TPRG1: variants seen among roughly 807,000 people sequenced by gnomAD.
The protein encoded by TPRG1 is tumor protein p63 regulated 1, also known as tumor protein p63-regulated gene 1 protein.
A neutral mutation model predicts 29.3 loss-of-function variants in TPRG1; 29 were observed. The ratio of observed to expected loss-of-function variants is 0.99; its 90% CI spans 0.74 to 1.35. TPRG1 has a LOEUF of 1.35. TPRG1 is among the 40% of genes most tolerant of loss of function. TPRG1 has a pLI of 0.00. For synonymous variants in TPRG1, 130 were observed against 116.8 expected, an observed-to-expected ratio of 1.11 and a Z score of -0.73; for missense variants, 327 against 335.0, an observed-to-expected ratio of 0.98 and a Z score of 0.19.
At chr3:189,079,963 G>T (rs1717478016) in intron 4 of TPRG1, among the ~76,000 whole-genome samples, 1 of 152,028 alleles carries the variant, frequency 6.6e-6, no homozygotes, top group Admixed American at 6.6e-5. Context: ...ACTTTTTTGT[G>T]CCCTCCCTCC....
At chr3:189,181,774 A>G (rs1730255614) in intron 1 of TPRG1, among the ~76,000 whole-genome samples, 1 of 152,184 alleles carries the variant, frequency 6.6e-6, no homozygotes, top group Admixed American at 6.5e-5. Context: ...ATTTTTGGGT[A>G]TCTTTTCAGC....
At chr3:189,163,027 T>A (rs1727684291) in intron 5 of TPRG1, among the ~76,000 whole-genome samples, 1 of 152,210 alleles carries the variant, frequency 6.6e-6, no homozygotes, top group Non-Finnish European at 1.5e-5. Flanking sequence ...ATCCCAGTAC[T>A]TTAGGAGGCC....
intron 3 of TPRG1, among the ~76,000 whole-genome samples, chr3:189,009,263 G>C (rs762308134): frequency 1.5e-4 from 23 of 152,214 alleles, no homozygotes; most frequent in Non-Finnish European, 2.5e-4. Context: ...ATGTTCATTA[G>C]GGTTGTGGAA....
intron 4 of TPRG1, among the ~76,000 whole-genome samples, chr3:189,075,762 A>G (rs1028355388): frequency 8.5e-5 from 13 of 152,178 alleles, no homozygotes; most frequent in African/African-American, 3.1e-4. Context: ...CTGTATCTTC[A>G]GGGATAAAAT....
In TPRG1 at chr3:189,053,834, A is replaced by G. The variant is rs1715486550; in HGVS notation, c.-463+29888A>G. The stretch of plus-strand genomic sequence containing the variant: ...TTGTGTTTTGGTAACAAGGAGAGTT[A>G]GGTCATCGCCCTGGATTAGGCTTCG... On this transcript the variant is annotated intron_variant, in intron 4 of 10. Transcript: ENST00000433971. Among the ~76,000 whole-genome samples the G allele has an allele frequency of 2.6e-5, 4 of 152,216 alleles. 1 individual carries two copies. The South Asian group carries it at 8.3e-4, about 31-fold the overall frequency.
intron 2 of TPRG1, among the ~76,000 whole-genome samples, chr3:189,212,857 A>G (rs1250955457): frequency 2.0e-5 from 3 of 152,198 alleles, no homozygotes; most frequent in African/African-American, 7.2e-5. Flanking sequence ...TTGTGTGACA[A>G]CTGGCCCCAG....
rs1560619930 is a variant in TPRG1 at position 189,262,252 on chromosome 3, GTA to G, written c.479+23346_479+23347del. Among the ~76,000 whole-genome samples, 808 of 149,166 alleles carry G rather than the reference GTA, an allele frequency of 5.4e-3. 12 individuals are homozygous for G. The highest frequency in any genetic ancestry group is 0.019 in the African/African-American group (780 of 41,276). On this transcript the variant is annotated intron_variant, in intron 4 of 5. Transcript: ENST00000345063. ...AGTATAAGTATAAGTATAAGTATAAGTATAAGACTTGGTAGAAGTATATGAAG... is the reference window on the plus strand; with the variant it reads ...AGTATAAGTATAAGTATAAGTATAAGTAAGACTTGGTAGAAGTATATGAAG...
chr3:189,045,073 C>G (rs1346286125), intron 4 of TPRG1, among the ~76,000 whole-genome samples: 2 of 152,162 alleles, frequency 1.3e-5, no homozygotes, highest in Admixed American at 6.5e-5. Flanking sequence ...ATAAGCTGAG[C>G]TGTACCTCTA....
At chr3:189,175,478 G>A (rs575909222) in intron 1 of TPRG1, among the ~76,000 whole-genome samples, 96 of 152,332 alleles carry the variant, frequency 6.3e-4, no homozygotes, top group African/African-American at 1.9e-3. Flanking sequence ...TTCAGATCAG[G>A]CACAACATGG....
rs141848152 is a variant in TPRG1 at position 189,195,993 on chromosome 3, G to C, written c.-9-11383G>C. On this transcript the variant is annotated intron_variant, in intron 1 of 5. Transcript: ENST00000345063. ...GTCTTTGTAAAGAGTAGAGTGCTAG[G>C]GGGCTTCTAGCCGGCCATCTTGCTG... 3.9e-5 allele frequency among the ~76,000 whole-genome samples: 6 copies of C among 152,224 alleles called. No homozygotes were observed. In the South Asian group the frequency reaches 1.0e-3, roughly 26 times the overall value.
intron 1 of TPRG1, among the ~76,000 whole-genome samples, chr3:189,110,844 T>A (rs1720422984): frequency 6.6e-6 from 1 of 151,878 alleles, no homozygotes; most frequent in Non-Finnish European, 1.5e-5. Context: ...GAATTGCTTT[T>A]GTACCTTTAT....
At chr3:189,106,069 C>T (rs1017802849) in intron 1 of TPRG1, among the ~76,000 whole-genome samples, 4 of 152,018 alleles carry the variant, frequency 2.6e-5, no homozygotes, top group African/African-American at 9.7e-5. Flanking sequence ...ACAACAACAA[C>T]AAAAACACTG....
At chr3:189,147,522 A>C (rs1725421950) in intron 3 of TPRG1, 1 of 152,210 alleles carries the variant, frequency 6.6e-6, no homozygotes, top group Non-Finnish European at 1.5e-5. Flanking sequence ...CTTGCCTTTG[A>C]ATGTTTTGTA....
chr3:189,137,784 G>A (rs1044764630), intron 3 of TPRG1, among the ~76,000 whole-genome samples: 2 of 152,162 alleles, frequency 1.3e-5, no homozygotes, highest in Non-Finnish European at 2.9e-5. Context: ...GTCTCTGTAT[G>A]TAGCCAGTAT....
intron 4 of TPRG1, among the ~76,000 whole-genome samples, chr3:189,087,704 C>A (rs1441293908): frequency 6.6e-6 from 1 of 152,184 alleles, no homozygotes; most frequent in Non-Finnish European, 1.5e-5. Flanking sequence ...GGAAGGGATC[C>A]AGTTTCAGCT....
At chr3:189,179,381 G>A (rs1262638971) in intron 1 of TPRG1, among the ~76,000 whole-genome samples, 1 of 152,130 alleles carries the variant, frequency 6.6e-6, no homozygotes, top group Non-Finnish European at 1.5e-5. Flanking sequence ...TCACCAAAAG[G>A]TAACTTCCTA....
At chr3:189,251,239 T>C (rs1056089640) in intron 4 of TPRG1, among the ~76,000 whole-genome samples, 2 of 152,118 alleles carry the variant, frequency 1.3e-5, no homozygotes, top group African/African-American at 4.8e-5. Context: ...AGCATATCCA[T>C]ATACTGGTAC....
chr3:189,253,492 G>C (rs1742600021), intron 4 of TPRG1, among the ~76,000 whole-genome samples: 1 of 152,168 alleles, frequency 6.6e-6, no homozygotes. Context: ...TCTTTAACCA[G>C]TCTGTCATTG....
intron 1 of TPRG1, among the ~76,000 whole-genome samples, chr3:189,105,645 G>A (rs1719731860): frequency 1.3e-5 from 2 of 152,046 alleles, no homozygotes; most frequent in Non-Finnish European, 1.5e-5. Flanking sequence ...CTGGTTTTGA[G>A]TCTACTTTGC....
Sources: gnomAD v4.1 joint callset for allele counts (sites outside exome capture counted in the v4.1 genomes callset) on GRCh38, gnomAD v4.1.1 for gene constraint, MANE v1.5 for transcripts, NCBI Gene and HGNC (gene_info 2026-07-23, HGNC 2026-07-21) for gene names.